The following MAD1L1 variants were observed in gnomAD, a reference collection of about 807,000 sequenced individuals.
The protein encoded by MAD1L1 is mitotic spindle assembly checkpoint protein MAD1.
Under a neutral mutation model 96.9 loss-of-function variants are expected in MAD1L1, and 95 were observed. The observed-to-expected ratio is 0.98, with a 90% CI of 0.83 to 1.16. The LOEUF is 1.16. MAD1L1 is among the 50% of genes most tolerant of loss of function. The pLI is 0.00. For synonymous variants in MAD1L1, 473 were observed against 396.6 expected (o/e 1.19, Z -2.29); for missense variants, 1,007 against 954.4 (o/e 1.06, Z -0.73).
intron 10 of MAD1L1, among the ~76,000 whole-genome samples, chr7:2,175,865 T>C (rs960648799): frequency 1.1e-4 from 16 of 151,990 alleles, no homozygotes; most frequent in African/African-American, 3.1e-4. Context: ...TAAAAACAGA[T>C]GGAAAAACTA....
At chr7:1,840,655 G>A (rs967843182) in intron 18 of MAD1L1, among the ~76,000 whole-genome samples, 1 of 152,242 alleles carries the variant, frequency 6.6e-6, no homozygotes, top group African/African-American at 2.4e-5. Flanking sequence ...CTTGAGCCCG[G>A]GAGGCAGAGG....
At chr7:1,870,524 A>AC (rs1785006792) in intron 18 of MAD1L1, among the ~76,000 whole-genome samples, 1 of 50,048 alleles carries the variant, frequency 2.0e-5, no homozygotes, top group African/African-American at 8.1e-5. Context: ...ACCCAACATA[A>AC]GCCTGCCACG....
intron 11 of MAD1L1, among the ~76,000 whole-genome samples, chr7:2,110,015 G>A (rs1787296987): frequency 6.6e-6 from 1 of 152,260 alleles, no homozygotes; most frequent in East Asian, 1.9e-4. Context: ...CAGCTGCGCA[G>A]GCCGGAGGTG....
chr7:1,830,352 G>A (rs1480536631), intron 18 of MAD1L1, among the ~76,000 whole-genome samples: 10 of 152,160 alleles, frequency 6.6e-5, no homozygotes, highest in Admixed American at 2.6e-4. Context: ...AGCCGAGATC[G>A]TGCCACTGCA....
At chr7:2,047,037 C>G (rs6950627) in intron 12 of MAD1L1, among the ~76,000 whole-genome samples, 1 of 152,172 alleles carries the variant, frequency 6.6e-6, no homozygotes, top group South Asian at 2.1e-4. Flanking sequence ...TGCCAGCTCC[C>G]GGGTTGAACT....
At chr7:2,079,866 C>T (rs759058012) in intron 11 of MAD1L1, 11 of 407,146 alleles carry the variant, frequency 2.7e-5, no homozygotes, top group Non-Finnish European at 4.5e-5. Flanking sequence ...TAAACAACCG[C>T]CCCATGCCCT....
intron 16 of MAD1L1, among the ~76,000 whole-genome samples, chr7:1,944,700 A>C (rs1779150348): frequency 1.3e-5 from 2 of 152,118 alleles, no homozygotes; most frequent in South Asian, 4.1e-4. Flanking sequence ...TCTAGGGCAC[A>C]GTGGCCTGAC....
chr7:2,120,153 T>C (rs1423765242), intron 11 of MAD1L1, among the ~76,000 whole-genome samples: 1 of 152,188 alleles, frequency 6.6e-6, no homozygotes, highest in Non-Finnish European at 1.5e-5. Flanking sequence ...CCCCCTCTCT[T>C]GGCCCTCTCC....
intron 18 of MAD1L1, among the ~76,000 whole-genome samples, chr7:1,888,179 C>T (rs1267824131): frequency 2.0e-4 from 19 of 96,044 alleles, no homozygotes; most frequent in East Asian, 7.2e-4. Flanking sequence ...GCTGCCTGTG[C>T]GTGTGTGCAT....
intron 10 of MAD1L1, among the ~76,000 whole-genome samples, chr7:2,198,911 G>C (rs1792134614): frequency 6.6e-6 from 1 of 152,250 alleles, no homozygotes; most frequent in African/African-American, 2.4e-5. Context: ...GCCACTCGGA[G>C]GACACACAGG....
chr7:2,114,104 G>A lies in MAD1L1; in HGVS notation c.1073+35048C>T, dbSNP rs766444383. Reference sequence around the variant, plus strand: ...CTGATAACTGTACACGGGCTCACAAGACGTTACCCTCGGGAAAGCTGGCGG... The same window carrying A: ...CTGATAACTGTACACGGGCTCACAAAACGTTACCCTCGGGAAAGCTGGCGG... On this transcript the variant is annotated intron_variant, in intron 11 of 18. Coordinates refer to ENST00000265854, the MANE Select transcript of MAD1L1 (RefSeq NM_001013836.2). The surrounding 1 kb of genome is among the most constrained non-coding windows in gnomAD (Gnocchi z 4.2). Among the ~76,000 whole-genome samples the A allele has an allele frequency of 6.6e-6, 1 of 152,232 alleles. No homozygotes were observed. The highest frequency in any genetic ancestry group is 1.5e-5 in the Non-Finnish European group (1 of 68,048).
At chr7:1,937,690 A>AATTCCACCACATTCTGTCTCCTGG (rs1778692202) in intron 16 of MAD1L1, among the ~76,000 whole-genome samples, 1 of 135,134 alleles carries the variant, frequency 7.4e-6, no homozygotes, top group Non-Finnish European at 1.6e-5. Flanking sequence ...CACAAACATC[A>AATTCCACCACATTCTGTCTCCTGG]GCCGCCCACA....
At chr7:1,847,838 C>T in intron 18 of MAD1L1, 2 of 395,114 alleles carry the variant, frequency 5.1e-6, no homozygotes, top group South Asian at 3.7e-5. Flanking sequence ...CTTGCTGTGT[C>T]AAGTGAGGCT....
chr7:1,976,904 A>C (rs1780669890), intron 15 of MAD1L1, among the ~76,000 whole-genome samples: 1 of 152,056 alleles, frequency 6.6e-6, no homozygotes, highest in East Asian at 1.9e-4. Flanking sequence ...CCAAGTCCCC[A>C]CCAGATTACC....
intron 18 of MAD1L1, chr7:1,848,802 C>A (rs1783785756): frequency 6.5e-6 from 1 of 154,428 alleles, no homozygotes; most frequent in African/African-American, 2.4e-5. Flanking sequence ...CTGCCCACAG[C>A]ATCCCAAGGG....
intron 17 of MAD1L1, among the ~76,000 whole-genome samples, chr7:1,916,594 C>T (rs539753443): frequency 6.6e-6 from 1 of 152,200 alleles, no homozygotes; most frequent in Non-Finnish European, 1.5e-5. Flanking sequence ...TCGACTTAGC[C>T]CCTCGGACTA....
chr7:2,097,435 C>T (rs948444269), intron 11 of MAD1L1, among the ~76,000 whole-genome samples: 3 of 152,180 alleles, frequency 2.0e-5, no homozygotes, highest in African/African-American at 7.2e-5. Flanking sequence ...GGTCTCACTC[C>T]GCCCAGGCCT....
At chr7:2,081,307 G>A (rs1275006991) in intron 11 of MAD1L1, among the ~76,000 whole-genome samples, 1 of 152,164 alleles carries the variant, frequency 6.6e-6, no homozygotes, top group Non-Finnish European at 1.5e-5. Context: ...TTCCTCATCT[G>A]GATCATAGGT....
chr7:2,009,071 A>G (rs56305291), intron 13 of MAD1L1, among the ~76,000 whole-genome samples: 25,682 of 152,114 alleles, frequency 0.17, 2,671 homozygotes, highest in Middle Eastern at 0.31. Flanking sequence ...AGCTGCCTCC[A>G]CCCAAGCAGC....
Sources: gnomAD v4.1 joint callset for allele counts (sites outside exome capture counted in the v4.1 genomes callset) on GRCh38, gnomAD v4.1.1 for gene constraint, Gnocchi (gnomAD v3.1) non-coding constraint, MANE v1.5 for transcripts, NCBI Gene and HGNC (gene_info 2026-07-23, HGNC 2026-07-21) for gene names.